GRPR: variants seen among roughly 807,000 people sequenced by gnomAD.
The protein encoded by GRPR is gastrin releasing peptide receptor, also known as gastrin-releasing peptide receptor.
Under a neutral mutation model 15.6 loss-of-function variants are expected in GRPR, and 4 were observed. That is an observed-to-expected ratio of 0.26 (90% CI 0.13 to 0.59). The LOEUF (loss-of-function observed/expected upper bound fraction) is 0.59. Among genes scored for constraint, GRPR ranks in the 20% least tolerant of loss-of-function variants. The pLI is 0.90. For missense variants in GRPR, 270 were observed against 304.1 expected (o/e 0.89, Z 0.83); for synonymous variants, 128 against 126.8 (o/e 1.01, Z -0.06).
At chrX:16,143,164 C>A (rs1053068506) in intron 1 of GRPR, among the ~76,000 whole-genome samples, 1 of 111,666 alleles carries the variant, frequency 9.0e-6, no homozygotes, top group African/African-American at 3.3e-5. Flanking sequence ...CCCTGTTGAT[C>A]ACACACTCAG....
In GRPR at chrX:16,150,496, C is replaced by T. The variant is rs1315022179; in HGVS notation, c.605C>T (p.Ser202Phe). ...ATTAGCTGTGCCCCATACCCACACT[C>T]TAATGAGCTTCACCCCAAAATCCAT... The part of the protein sequence containing the change: ...TFISCAPYPH[S>F]NELHPKIHSM... The change falls in exon 2 of 3, where the codon TCT (serine) becomes TTT (phenylalanine). Residue 202 changes from serine (S) to phenylalanine (F), a missense_variant. Ser to Phe is a radical substitution (Grantham distance 155, BLOSUM62 -2). Around this residue, in one of 3 missense-constraint regions of GRPR, gnomAD observed 22 missense variants for 51.9 expected, o/e 0.42. Transcript: ENST00000380289. 8.3e-7 allele frequency: 1 copy of T among 1,208,031 alleles called. No individual in the cohort carries two copies. Among genetic ancestry groups the T allele is most frequent in the Non-Finnish European group, 1.1e-6 (1 of 892,068 alleles).
Position 16,127,574 on chromosome X carries a change from T to C in GRPR, c.413+3208T>C, listed in dbSNP as rs1161349961. ...TGTCCCACCCGCTCTCCAGAATGCT[T>C]TCTCCTTTCCTAAATACAGACTGTA... On this transcript the variant is annotated intron_variant, in intron 1 of 2. Coordinates refer to ENST00000380289, the MANE Select transcript of GRPR (RefSeq NM_005314.3). Among the ~76,000 whole-genome samples the C allele has an allele frequency of 2.7e-5, 3 of 111,616 alleles. No homozygotes were observed. The Admixed American group carries it at 2.9e-4, about 11-fold the overall frequency.
At chrX:16,148,080 C>T (rs1922633626) in intron 1 of GRPR, among the ~76,000 whole-genome samples, 1 of 111,466 alleles carries the variant, frequency 9.0e-6, no homozygotes, top group Admixed American at 9.5e-5. Flanking sequence ...AAAAATAAAG[C>T]AAATACAGGT....
rs772828581 is a variant in GRPR, at chrX:16,152,503, T to C, written c.1013T>C (p.Leu338Pro). The change falls in exon 3 of 3, where the codon CTC (leucine) becomes CCC (proline). Residue 338 changes from leucine (L) to proline (P), a missense_variant. Leu to Pro is a moderately conservative substitution (Grantham distance 98). Transcript: ENST00000380289. The stretch of plus-strand genomic sequence containing the variant: ...AGGAAACAGTTCAACACTCAGCTGC[T>C]CTGTTGCCAGCCTGGCCTGATCATC... Reference protein sequence around the residue: ...SFRKQFNTQLLCCQPGLIIRS... With the variant: ...SFRKQFNTQLPCCQPGLIIRS... 9 of 1,210,859 alleles carry C rather than the reference T, an allele frequency of 7.4e-6. No individual in the cohort carries two copies. The Admixed American group carries it at 2.0e-4, about 26-fold the overall frequency.
At chrX:16,132,374 T>A in intron 1 of GRPR, among the ~76,000 whole-genome samples, 1 of 112,000 alleles carries the variant, frequency 8.9e-6, no homozygotes, top group Admixed American at 9.4e-5. Context: ...GAAGTGGATA[T>A]TTTAAAACCT....
intron 2 of GRPR, among the ~76,000 whole-genome samples, chrX:16,151,071 GAGT>G (rs760451507): frequency 1.3e-4 from 15 of 111,978 alleles, no homozygotes; most frequent in Admixed American, 2.8e-4. Context: ...TGAAGAAAAA[GAGT>G]AGTTTGATTA....
intron 2 of GRPR, among the ~76,000 whole-genome samples, chrX:16,152,032 C>G (rs1177755091): frequency 9.5e-6 from 1 of 105,803 alleles, no homozygotes; most frequent in African/African-American, 3.9e-5. Context: ...GTGTTTCTGA[C>G]TCTTTTTTTT....
At chrX:16,129,046 T>C (rs928396168) in intron 1 of GRPR, among the ~76,000 whole-genome samples, 1 of 112,435 alleles carries the variant, frequency 8.9e-6, no homozygotes, top group African/African-American at 3.2e-5. Context: ...TATTCAGTGT[T>C]ATTTTTACTA....
intron 1 of GRPR, among the ~76,000 whole-genome samples, chrX:16,131,194 T>C (rs1454083963): frequency 2.7e-5 from 3 of 112,318 alleles, no homozygotes; most frequent in African/African-American, 9.7e-5. Context: ...TAACATCCTT[T>C]GAAAATAGGC....
At chrX:16,129,380 C>T (rs1382187650) in intron 1 of GRPR, among the ~76,000 whole-genome samples, 3 of 111,717 alleles carry the variant, frequency 2.7e-5, no homozygotes, top group Non-Finnish European at 5.6e-5. Context: ...ATTTCCTCAT[C>T]ACACCAGCCA....
In GRPR at chrX:16,148,532, C is replaced by T. The variant is rs965257046; in HGVS notation, c.414-1773C>T. Among the ~76,000 whole-genome samples the T allele has an allele frequency of 2.7e-5, 3 of 111,449 alleles. No individual in the cohort carries two copies. In the East Asian group the frequency reaches 8.4e-4, roughly 31 times the overall value. ...AAAACAAGTGGAAATAAGTATTCCC[C>T]TTCCCTGAAGTCCATGATATAAAAG... On this transcript the variant is annotated intron_variant, in intron 1 of 2. Transcript: ENST00000380289.
chrX:16,134,008 A>G (rs1401907145), intron 1 of GRPR, among the ~76,000 whole-genome samples: 1 of 111,926 alleles, frequency 8.9e-6, no homozygotes, highest in Non-Finnish European at 1.9e-5. Flanking sequence ...AAATAGAATA[A>G]CTACAGGTTA....
At chrX:16,140,978 G>A in intron 1 of GRPR, among the ~76,000 whole-genome samples, 1 of 111,740 alleles carries the variant, frequency 8.9e-6, no homozygotes, top group East Asian at 2.8e-4. Flanking sequence ...ATTGCAGGCT[G>A]TGTCTAACTA....
In GRPR at chrX:16,124,132, C is replaced by T. The variant is rs754025949; in HGVS notation, c.179C>T (p.Thr60Ile). 1 of 1,206,696 alleles carries T rather than the reference C, an allele frequency of 8.3e-7. No homozygotes were observed. Among genetic ancestry groups the T allele is most frequent in the Non-Finnish European group, 1.1e-6 (1 of 892,131 alleles). The change falls in exon 1 of 3, where the codon ACT (threonine) becomes ATT (isoleucine). Residue 60 changes from threonine (T) to isoleucine (I), a missense_variant. By Grantham distance (89) the Thr-to-Ile change is moderately conservative. Transcript: ENST00000380289. The stretch of plus-strand genomic sequence containing the variant: ...CTGATAGGCCTCATTGGCAACATCA[C>T]TTTGATCAAGATCTTCTGTACAGTC... ...IILIGLIGNI[T>I]LIKIFCTVKS...
At chrX:16,139,379 G>A (rs1228119342) in intron 1 of GRPR, among the ~76,000 whole-genome samples, 1 of 111,305 alleles carries the variant, frequency 9.0e-6, no homozygotes, top group Non-Finnish European at 1.9e-5. Context: ...CGCAGCCTGC[G>A]GACCACCTGC....
chrX:16,133,404 TG>T (rs1217223432), intron 1 of GRPR, among the ~76,000 whole-genome samples: 2 of 112,059 alleles, frequency 1.8e-5, no homozygotes, highest in African/African-American at 6.5e-5. Flanking sequence ...TTTTACTGTT[TG>T]TACATACTTT....
At chrX:16,144,862 C>A (rs1351746429) in intron 1 of GRPR, among the ~76,000 whole-genome samples, 1 of 111,916 alleles carries the variant, frequency 8.9e-6, no homozygotes, top group Non-Finnish European at 1.9e-5. Flanking sequence ...ATAAGAGACA[C>A]AACGGCAAGT....
At chrX:16,147,233 C>CA (rs896588045) in intron 1 of GRPR, among the ~76,000 whole-genome samples, 1 of 111,493 alleles carries the variant, frequency 9.0e-6, no homozygotes, top group African/African-American at 3.3e-5. Flanking sequence ...CTTTTATAAA[C>CA]AAGGTCTTTT....
chrX:16,128,668 G>A (rs1030863458), intron 1 of GRPR, among the ~76,000 whole-genome samples: 2 of 111,583 alleles, frequency 1.8e-5, no homozygotes, highest in Non-Finnish European at 1.9e-5. Context: ...TGGGTGGATG[G>A]ATGGATAGAT....
Sources: allele counts gnomAD v4.1 joint callset (sites outside exome capture counted in the v4.1 genomes callset), GRCh38; gene constraint gnomAD v4.1.1; regional missense constraint gnomAD v4.1.1; transcripts MANE v1.5; gene names NCBI Gene and HGNC (gene_info 2026-07-23, HGNC 2026-07-21).